Variants in GRK1 observed in about 807,000 individuals in gnomAD.
GRK1 encodes rhodopsin kinase GRK1.
GRK1 carries 28 observed loss-of-function variants against 41.7 expected under a neutral mutation model. That is an observed-to-expected ratio of 0.67 (90% CI 0.50 to 0.92). The LOEUF (loss-of-function observed/expected upper bound fraction) is 0.92, where lower values mean the gene tolerates loss of function less well. Among genes scored for constraint, GRK1 ranks in the 40% least tolerant of loss-of-function variants. The pLI is 0.00. For synonymous variants in GRK1, 327 were observed against 286.7 expected (o/e 1.14, Z -1.42); for missense variants, 703 against 671.2 (o/e 1.05, Z -0.52).
intron 4 of GRK1, among the ~76,000 whole-genome samples, chr13:113,723,678 C>G (rs2049870882): frequency 6.6e-6 from 1 of 152,078 alleles, no homozygotes. Context: ...GGCAGGTTTG[C>G]CATAAGCAGT....
At chr13:113,733,994 A>G (rs1353012573) in intron 6 of GRK1, among the ~76,000 whole-genome samples, 76 of 81,018 alleles carry the variant, frequency 9.4e-4, no homozygotes, top group African/African-American at 2.5e-3. Flanking sequence ...GTGTGCATAC[A>G]TGTGTGTGCG....
chr13:113,724,276 G>A (rs1015472440), intron 4 of GRK1, among the ~76,000 whole-genome samples: 1 of 152,224 alleles, frequency 6.6e-6, no homozygotes, highest in Non-Finnish European at 1.5e-5. Context: ...CGTGCCCGGC[G>A]CCTGTGTACA....
chr13:113,655,013 C>T, the GRK1 span: 33 of 1,586,466 alleles, frequency 2.1e-5, no homozygotes, highest in African/African-American at 1.1e-4. Flanking sequence ...TGGCCTTGAG[C>T]GCGTCCGTGA....
chr13:113,671,963 G>C lies in GRK1; in HGVS notation c.985+307G>C, dbSNP rs1444432159. On this transcript the variant is annotated intron_variant, in intron 3 of 6. Coordinates refer to ENST00000335678, the MANE Select transcript of GRK1 (RefSeq NM_002929.3). The surrounding 1 kb of genome is among the most constrained non-coding windows in gnomAD (Gnocchi z 4.1). ...CTCAGAAATAAACACGAGGGTTTAGGCTCCCGACAGCGGCAGGTCAGGCAA... is the reference window on the plus strand; with the variant it reads ...CTCAGAAATAAACACGAGGGTTTAGCCTCCCGACAGCGGCAGGTCAGGCAA... Among the ~76,000 whole-genome samples the C allele has an allele frequency of 6.6e-6, 1 of 152,042 alleles. No homozygotes were observed. Among genetic ancestry groups the C allele is most frequent in the Non-Finnish European group, 1.5e-5 (1 of 68,016 alleles).
intron 6 of GRK1, among the ~76,000 whole-genome samples, chr13:113,733,932 GCA>G (rs2049976232): frequency 2.9e-5 from 4 of 135,814 alleles, no homozygotes; most frequent in Admixed American, 7.1e-5. Flanking sequence ...GTGCATGTGT[GCA>G]TACGTGTGTG....
chr13:113,735,022 T>C (rs2049992141), intron 6 of GRK1, 46 bp from the exon 7 acceptor site: 1 of 1,449,108 alleles, frequency 6.9e-7, no homozygotes, highest in Admixed American at 2.5e-5. Flanking sequence ...CGGCGCTTCC[T>C]TCCCACCACG....
the GRK1 span, chr13:113,653,508 G>A: frequency 1.7e-5 from 24 of 1,388,274 alleles, no homozygotes; most frequent in African/African-American, 4.3e-5. Flanking sequence ...TGAAGTGGCT[G>A]AGGATACGCC....
At chr13:113,663,725 A>C (rs2049802126), upstream of GRK1, among the ~76,000 whole-genome samples, 1 of 152,200 alleles carries the variant, frequency 6.6e-6, no homozygotes, top group African/African-American at 2.4e-5. Flanking sequence ...ACCATTAGGG[A>C]AATGTAAATT....
At chr13:113,728,451 C>T (rs934171579) in intron 4 of GRK1, among the ~76,000 whole-genome samples, 32 of 136,610 alleles carry the variant, frequency 2.3e-4, no homozygotes, top group African/African-American at 6.2e-4. Context: ...GTACCCATGG[C>T]GAGGAGTACC....
At chr13:113,733,598 T>G (rs190422566) in intron 6 of GRK1, among the ~76,000 whole-genome samples, 7 of 144,114 alleles carry the variant, frequency 4.9e-5, no homozygotes, top group Admixed American at 4.8e-4. Flanking sequence ...TGTGTGTGCA[T>G]GTGTGCGCAT....
At chr13:113,656,973 C>T in the GRK1 span, among the ~76,000 whole-genome samples, 845 of 152,306 alleles carry the variant, frequency 5.5e-3, 12 homozygotes, top group African/African-American at 0.018. Context: ...CTTCTGCCCC[C>T]GGTCCCTGCC....
At chr13:113,658,149 C>T in the GRK1 span, 2 of 1,610,558 alleles carry the variant, frequency 1.2e-6, no homozygotes, top group East Asian at 2.2e-5. Flanking sequence ...CGCCATCGTC[C>T]CTGGCCTGAG....
chr13:113,724,192 G>T (rs1363649360), intron 4 of GRK1, among the ~76,000 whole-genome samples: 1 of 152,210 alleles, frequency 6.6e-6, no homozygotes, highest in Admixed American at 6.5e-5. Flanking sequence ...CGTGTGGCCT[G>T]TGTGCTTTAC....
intron 6 of GRK1, among the ~76,000 whole-genome samples, chr13:113,733,976 G>A (rs2049978945): frequency 8.5e-6 from 1 of 118,288 alleles, no homozygotes; most frequent in Admixed American, 8.2e-5. Context: ...GTGCGTGTGT[G>A]CGCATGTGTG....
chr13:113,656,994 C>T, the GRK1 span, among the ~76,000 whole-genome samples: 15 of 152,312 alleles, frequency 9.8e-5, no homozygotes, highest in African/African-American at 3.6e-4. Context: ...TCTCTAGGAA[C>T]GGGGTATTTG....
chr13:113,670,550 T>G (rs1329881421), intron 2 of GRK1, among the ~76,000 whole-genome samples: 1 of 152,376 alleles, frequency 6.6e-6, no homozygotes, highest in Non-Finnish European at 1.5e-5. Flanking sequence ...TCACCTGCTT[T>G]TAATTTCCAA....
intron 4 of GRK1, among the ~76,000 whole-genome samples, chr13:113,724,887 G>A (rs764503001): frequency 2.0e-5 from 3 of 152,196 alleles, no homozygotes; most frequent in Non-Finnish European, 4.4e-5. Context: ...CACGCATTTC[G>A]GGGAGATCCA....
At chr13:113,668,177 C>A (rs1211056848) in intron 1 of GRK1, 92 bp downstream of exon 1, 22 of 1,351,114 alleles carry the variant, frequency 1.6e-5, no homozygotes, top group Non-Finnish European at 2.2e-5. Context: ...ACTGTCGGCT[C>A]CGGGGCCCTT....
At position 113,671,447 on chromosome 13, in the gene GRK1, T is replaced by C; in HGVS notation, c.828-52T>C. On this transcript the variant is annotated intron_variant, in intron 2 of 6. Coordinates refer to ENST00000335678, the MANE Select transcript of GRK1 (RefSeq NM_002929.3). This position sits in a 1 kb window ranked among gnomAD's most constrained non-coding sequence, Gnocchi z 4.1. ...AGGCCCCAGCTCTGTCTTTCCATGA[T>C]TTTACTCCCCATTAAACCCGGGGTG... The C allele has an allele frequency of 6.5e-6, 5 of 773,130 alleles. No individual in the cohort carries two copies. The East Asian group carries it at 1.2e-4, about 19-fold the overall frequency. 47.9% of individuals were successfully genotyped at this position (773,130 alleles called of 1,614,324 possible). A position where few individuals can be genotyped will look rare whatever the true frequency, so the allele number is the denominator to read the frequency against.
Sources: gnomAD v4.1 joint callset for allele counts (sites outside exome capture counted in the v4.1 genomes callset) on GRCh38, gnomAD v4.1.1 for gene constraint, Gnocchi (gnomAD v3.1) non-coding constraint, MANE v1.5 for transcripts, NCBI Gene and HGNC (gene_info 2026-07-23, HGNC 2026-07-21) for gene names.